Variants in PTPRA observed in about 807,000 individuals in gnomAD.
PTPRA encodes the protein receptor-type tyrosine-protein phosphatase alpha.
A neutral mutation model predicts 104.8 loss-of-function variants in PTPRA; 25 were observed. The observed-to-expected ratio is 0.24, with a 90% CI of 0.17 to 0.33. The LOEUF is 0.33. PTPRA is among the 10% of genes least tolerant of loss of function. The pLI is 1.00. For synonymous variants in PTPRA, 323 were observed against 368.9 expected (o/e 0.88, Z 1.43); for missense variants, 765 against 1,015.3 (o/e 0.75, Z 3.35).
chr20:2,875,152 C>G (rs2089634666), intron 1 of PTPRA, among the ~76,000 whole-genome samples: 1 of 152,102 alleles, frequency 6.6e-6, no homozygotes. Flanking sequence ...TATCCACTTC[C>G]CAAGAGATTT....
At chr20:2,894,150 T>C (rs979642221) in intron 1 of PTPRA, among the ~76,000 whole-genome samples, 2 of 152,142 alleles carry the variant, frequency 1.3e-5, no homozygotes, top group Non-Finnish European at 2.9e-5. Flanking sequence ...TTATATGAGG[T>C]TTATTGATAC....
chr20:2,979,051 T>C (rs1266152000), intron 6 of PTPRA, among the ~76,000 whole-genome samples: 2 of 152,180 alleles, frequency 1.3e-5, no homozygotes, highest in African/African-American at 2.4e-5. Flanking sequence ...AGGGTGCTAT[T>C]ATGCTTCCAT....
chr20:3,020,267 T>C (rs113479997), intron 13 of PTPRA, among the ~76,000 whole-genome samples: 1 of 151,924 alleles, frequency 6.6e-6, no homozygotes, highest in South Asian at 2.1e-4. Context: ...AGCTAATTTT[T>C]TGTGTTTTTT....
intron 1 of PTPRA, among the ~76,000 whole-genome samples, chr20:2,895,242 A>C (rs932904219): frequency 2.6e-5 from 4 of 151,288 alleles, no homozygotes; most frequent in African/African-American, 7.3e-5. Context: ...CACCCAGCTA[A>C]TTTTTGTATT....
intron 3 of PTPRA, among the ~76,000 whole-genome samples, chr20:2,955,882 C>CT (rs34534876): frequency 6.6e-6 from 1 of 152,100 alleles, no homozygotes; most frequent in Non-Finnish European, 1.5e-5. Flanking sequence ...GCCATTCTGT[C>CT]TTTTTTCCCC....
chr20:2,913,459 T>C (rs1420405852), intron 1 of PTPRA, among the ~76,000 whole-genome samples: 1 of 152,180 alleles, frequency 6.6e-6, no homozygotes, highest in Non-Finnish European at 1.5e-5. Context: ...CGAGTTATTC[T>C]AGTTGTCCCC....
At chr20:2,922,597 C>G (rs935549615) in intron 1 of PTPRA, among the ~76,000 whole-genome samples, 1 of 152,116 alleles carries the variant, frequency 6.6e-6, no homozygotes, top group Non-Finnish European at 1.5e-5. Flanking sequence ...CTGCCTCGGC[C>G]TCCCAAAGTG....
chr20:3,024,504 G>A lies in PTPRA; in HGVS notation c.1497G>A (p.Leu499=). ...ATGTCTTCATATACCAAGCCCTTCT[G>A]GAGCATTATCTCTATGGAGATACAG... The part of the protein sequence containing the change: ...MQYVFIYQAL[L]EHYLYGDTEL... Residue 499 remains leucine, a synonymous_variant, in exon 17 of 24, where the codon CTG becomes CTA. Transcript: ENST00000399903. 2 of 1,613,758 alleles carry A rather than the reference G, an allele frequency of 1.2e-6. No homozygotes were observed. The highest frequency in any genetic ancestry group is 1.1e-5 in the South Asian group (1 of 91,074).
chr20:2,965,131 A>C lies in PTPRA; in HGVS notation c.344A>C (p.Asp115Ala), dbSNP rs1227064444. The change falls in exon 5 of 24, where the codon GAT becomes GCT. Residue 115 changes from aspartate (D) to alanine (A), a missense_variant. Around this residue, in one of 4 missense-constraint regions of PTPRA, gnomAD observed 256 missense variants for 248.9 expected, o/e 1.03. Transcript: ENST00000399903. ...GTWLPDNQFT[D>A]ARTEPWEGNS... ...TGGCTTCCAGATAACCAGTTCACGG[A>C]TGCCAGAACAGAACCCTGGGAGGGG... The C allele has an allele frequency of 6.2e-7, 1 of 1,614,204 alleles. No individual in the cohort carries two copies. The highest frequency in any genetic ancestry group is 1.1e-5 in the South Asian group (1 of 91,088).
chr20:2,978,651 C>A (rs889500224), intron 6 of PTPRA, among the ~76,000 whole-genome samples: 8 of 152,128 alleles, frequency 5.3e-5, no homozygotes, highest in Admixed American at 3.9e-4. Flanking sequence ...TTTTCATTTT[C>A]ATGCTTGCTC....
At chr20:3,011,847 AGCAGCTATAGATCTAT>A (rs2064184821) in intron 11 of PTPRA, among the ~76,000 whole-genome samples, 1 of 152,226 alleles carries the variant, frequency 6.6e-6, no homozygotes, top group African/African-American at 2.4e-5. Flanking sequence ...CAAAGAGCAG[AGCAGCTATAGATCTAT>A]GCAGCATGTG....
the PTPRA span, chr20:2,865,405 G>A: frequency 6.2e-7 from 1 of 1,614,146 alleles, no homozygotes; most frequent in Non-Finnish European, 8.5e-7. The surrounding 1 kb of genome is among the most constrained non-coding windows in gnomAD (Gnocchi z 5.2). Context: ...GCAGGCTCTG[G>A]TGGCTGAAGC....
At chr20:2,899,593 T>C (rs2059151057) in intron 1 of PTPRA, among the ~76,000 whole-genome samples, 3 of 152,208 alleles carry the variant, frequency 2.0e-5, no homozygotes, top group African/African-American at 7.2e-5. Flanking sequence ...ATGGTATGAA[T>C]GTAAACAACT....
the PTPRA span, chr20:2,866,002 TCTGA>T: frequency 1.7e-6 from 1 of 589,824 alleles, no homozygotes; most frequent in Non-Finnish European, 3.0e-6. Flanking sequence ...GTCTCAAGTC[TCTGA>T]CAGAGCTTTG....
In PTPRA at chr20:3,007,838, G is replaced by GTA. The variant is rs1440497415; in HGVS notation, c.906+434_906+435dup. Among the ~76,000 whole-genome samples, 938 of 98,584 alleles carry GTA rather than the reference G, an allele frequency of 9.5e-3. 6 individuals are homozygous for GTA. Among genetic ancestry groups the GTA allele is most frequent in the Non-Finnish European group, 0.012 (584 of 47,050 alleles). 64.7% of individuals were successfully genotyped at this position (98,584 alleles called of 152,430 possible). A position where few individuals can be genotyped will look rare whatever the true frequency, so the allele number is the denominator to read the frequency against. ...TGTGTGTGTGTGTGTCTGTGTGTGTGTATATATATATATATATGACTATCT... is the reference window on the plus strand; with the variant it reads ...TGTGTGTGTGTGTGTCTGTGTGTGTGTATATATATATATATATATGACTATCT... On this transcript the variant is annotated intron_variant, in intron 11 of 23. Coordinates refer to ENST00000399903, the MANE Select transcript of PTPRA (RefSeq NM_001385305.1).
chr20:2,864,991 G>T, the PTPRA span: 4 of 1,614,136 alleles, frequency 2.5e-6, no homozygotes, highest in Non-Finnish European at 3.4e-6. The surrounding 1 kb of genome is among the most constrained non-coding windows in gnomAD (Gnocchi z 5.2). Flanking sequence ...ATTGAGGGGC[G>T]AGTAGCAGCT....
intron 2 of PTPRA, among the ~76,000 whole-genome samples, chr20:2,931,623 A>G (rs975992428): frequency 6.6e-6 from 1 of 152,116 alleles, no homozygotes; most frequent in African/African-American, 2.4e-5. Flanking sequence ...AAACAAATGG[A>G]TTTGACTTCT....
intron 7 of PTPRA, among the ~76,000 whole-genome samples, chr20:2,987,090 C>G (rs1405719875): frequency 6.6e-6 from 1 of 152,134 alleles, no homozygotes; most frequent in Non-Finnish European, 1.5e-5. Context: ...TCTCCCAACT[C>G]CAGTGCAAGC....
chr20:3,033,783 T>G (rs1234928346), intron 20 of PTPRA, among the ~76,000 whole-genome samples: 1 of 150,884 alleles, frequency 6.6e-6, no homozygotes, highest in Non-Finnish European at 1.5e-5. Context: ...GCCTGTAATC[T>G]CAGCTACTGG....
Sources: gnomAD v4.1 joint callset for allele counts (sites outside exome capture counted in the v4.1 genomes callset) on GRCh38, gnomAD v4.1.1 for gene constraint, gnomAD v4.1.1 regional missense constraint, Gnocchi (gnomAD v3.1) non-coding constraint, MANE v1.5 for transcripts, NCBI Gene and HGNC (gene_info 2026-07-23, HGNC 2026-07-21) for gene names.